The following PIK3C2G variants were observed in gnomAD, a reference collection of about 807,000 sequenced individuals.
The protein encoded by PIK3C2G is phosphatidylinositol-4-phosphate 3-kinase catalytic subunit type 2 gamma, also known as phosphatidylinositol 3-kinase C2 domain-containing subunit gamma.
Under a neutral mutation model 181.1 loss-of-function variants are expected in PIK3C2G, and 168 were observed. That is an observed-to-expected ratio of 0.93 (90% CI 0.82 to 1.05). The LOEUF is 1.05. PIK3C2G is among the 50% of genes least tolerant of loss of function. The pLI, the probability that PIK3C2G is intolerant of heterozygous loss-of-function variation, is 0.00. For missense variants in PIK3C2G, 1,869 were observed against 1,732.8 expected, an observed-to-expected ratio of 1.08 and a Z score of -1.40; for synonymous variants, 573 against 592.2, an observed-to-expected ratio of 0.97 and a Z score of 0.47.
intron 8 of PIK3C2G, among the ~76,000 whole-genome samples, chr12:18,336,009 G>GAA (rs376083415): frequency 0.022 from 3,382 of 151,540 alleles, 147 homozygotes; most frequent in African/African-American, 0.078. Flanking sequence ...ACAGATGAAT[G>GAA]AAAAAAAACA....
At chr12:18,459,342 A>G (rs1291317118) in intron 18 of PIK3C2G, among the ~76,000 whole-genome samples, 1 of 152,214 alleles carries the variant, frequency 6.6e-6, no homozygotes, top group Non-Finnish European at 1.5e-5. Flanking sequence ...AGTCTAAGGC[A>G]TTTAGAAAAA....
intron 12 of PIK3C2G, among the ~76,000 whole-genome samples, chr12:18,366,498 C>G (rs1941651842): frequency 6.6e-6 from 1 of 152,010 alleles, no homozygotes; most frequent in African/African-American, 2.4e-5. Context: ...CCACTGCACT[C>G]CAGCCTGGGC....
intron 18 of PIK3C2G, among the ~76,000 whole-genome samples, chr12:18,448,742 T>TTA (rs1296355203): frequency 1.3e-5 from 2 of 151,948 alleles, no homozygotes; most frequent in Non-Finnish European, 2.9e-5. Flanking sequence ...TTTTGTATCA[T>TTA]TATATATATA....
In PIK3C2G at chr12:18,324,146, G is replaced by C. The variant is rs1325405732; in HGVS notation, c.1209-889G>C. Among the ~76,000 whole-genome samples the C allele has an allele frequency of 7.2e-5, 11 of 151,984 alleles. No individual in the cohort carries two copies. In the East Asian group the frequency reaches 2.1e-3, roughly 30 times the overall value. On this transcript the variant is annotated intron_variant, in intron 7 of 32. Transcript: ENST00000538779. The stretch of plus-strand genomic sequence containing the variant: ...GAGGCAGGAGAATGACGTGAACCCC[G>C]GGGGGCGGAGCCTGCAGTGAGCGGA...
At chr12:18,363,990 C>T (rs1941458078) in intron 12 of PIK3C2G, among the ~76,000 whole-genome samples, 1 of 152,122 alleles carries the variant, frequency 6.6e-6, no homozygotes, top group African/African-American at 2.4e-5. Flanking sequence ...CTTTTTCTTT[C>T]ATAGAATCAA....
chr12:18,469,826 A>G (rs1938277192), intron 18 of PIK3C2G, among the ~76,000 whole-genome samples: 1 of 151,268 alleles, frequency 6.6e-6, no homozygotes, highest in Non-Finnish European at 1.5e-5. Flanking sequence ...CTAATACCAG[A>G]TATCAGCACC....
Position 18,609,522 on chromosome 12 carries a change from ATTCTT to A in PIK3C2G, c.4088-10_4088-6del. On this transcript the variant is annotated splice_region_variant and splice_polypyrimidine_tract_variant and intron_variant, in intron 30 of 32. Coordinates refer to ENST00000538779, the MANE Select transcript of PIK3C2G (RefSeq NM_001288772.2). ...TTCCAACTGAACTCACTGAAATTCT[ATTCTT>A]TTATCAGGTGAGAAGTTTCCAGACA... 6.6e-7 allele frequency: 1 copy of A among 1,518,126 alleles called. No individual in the cohort carries two copies. Among genetic ancestry groups the A allele is most frequent in the Non-Finnish European group, 9.0e-7 (1 of 1,109,942 alleles). 94.0% of individuals were successfully genotyped at this position (1,518,126 alleles called of 1,614,324 possible).
At chr12:18,661,472 A>G in the PIK3C2G span, among the ~76,000 whole-genome samples, 1 of 152,122 alleles carries the variant, frequency 6.6e-6, no homozygotes, top group South Asian at 2.1e-4. Context: ...GCTAAAAGAA[A>G]AACAACTGTC....
In PIK3C2G at chr12:18,584,513, C is replaced by T. The variant is rs148613598; in HGVS notation, c.4012-9981C>T. On this transcript the variant is annotated intron_variant, in intron 29 of 32. Transcript: ENST00000538779. ...TAAAGAGAAAAAGAATGAAAAGAAA[C>T]GAACAAAACCTCTGAGACATATGGA... is the stretch of plus-strand genomic sequence containing the variant. 7.9e-4 allele frequency among the ~76,000 whole-genome samples: 120 copies of T among 151,942 alleles called. 1 individual carries two copies. Among genetic ancestry groups the T allele is most frequent in the Admixed American group, 1.2e-3 (19 of 15,268 alleles).
the PIK3C2G span, chr12:18,714,638 G>A: frequency 1.3e-5 from 2 of 152,130 alleles, no homozygotes; most frequent in African/African-American, 4.8e-5. Context: ...TAGAAAACCA[G>A]TAAGTACATT....
At chr12:18,487,294 A>G (rs1314509578) in intron 18 of PIK3C2G, among the ~76,000 whole-genome samples, 1 of 152,152 alleles carries the variant, frequency 6.6e-6, no homozygotes, top group Non-Finnish European at 1.5e-5. Context: ...ACTAATTTTT[A>G]ACTTTAATGT....
At chr12:18,274,178 A>C (rs1219169101) in intron 1 of PIK3C2G, among the ~76,000 whole-genome samples, 3 of 152,184 alleles carry the variant, frequency 2.0e-5, no homozygotes, top group African/African-American at 7.2e-5. Context: ...GATGTGGAGA[A>C]ATAGGAACAC....
At chr12:18,683,065 ATTTTC>A in the PIK3C2G span, 30 of 647,652 alleles carry the variant, frequency 4.6e-5, no homozygotes, top group Admixed American at 8.7e-5. Flanking sequence ...TGAAGTTTCT[ATTTTC>A]TTTTCTTCCA....
chr12:18,243,986 A>C (rs909168644), upstream of PIK3C2G, among the ~76,000 whole-genome samples: 2 of 152,028 alleles, frequency 1.3e-5, no homozygotes, highest in African/African-American at 4.8e-5. Flanking sequence ...TCCAGAGCTT[A>C]TATTCAGTAA....
At chr12:18,399,901 G>A in intron 16 of PIK3C2G, 54 bp downstream of exon 16, 4 of 1,123,752 alleles carry the variant, frequency 3.6e-6, no homozygotes, top group Non-Finnish European at 5.0e-6. Context: ...CTTGCTTGAA[G>A]AGAACTATAG....
At chr12:18,334,839 G>A (rs1296897609) in intron 8 of PIK3C2G, among the ~76,000 whole-genome samples, 1 of 152,092 alleles carries the variant, frequency 6.6e-6, no homozygotes, top group Non-Finnish European at 1.5e-5. Context: ...GTACTCTGGT[G>A]TGTGAGTGCA....
Position 18,562,693 on chromosome 12 carries a change from A to T in PIK3C2G, c.3591-10A>T. 1 of 1,521,142 alleles carries T rather than the reference A, an allele frequency of 6.6e-7. No individual in the cohort carries two copies. Among genetic ancestry groups the T allele is most frequent in the Non-Finnish European group, 9.0e-7 (1 of 1,109,344 alleles). 94.2% of individuals were successfully genotyped at this position (1,521,142 alleles called of 1,614,324 possible). A position where few individuals can be genotyped will look rare whatever the true frequency, so the allele number is the denominator to read the frequency against. ...TGTCACTCACTATCTTTTCTTTTAC[A>T]TTTCTCTAGGAAAATAAAGGAAAGT... On this transcript the variant is annotated splice_polypyrimidine_tract_variant and intron_variant, in intron 26 of 32. Transcript: ENST00000538779.
intron 24 of PIK3C2G, among the ~76,000 whole-genome samples, chr12:18,535,503 G>A (rs1015004807): frequency 6.6e-6 from 1 of 152,002 alleles, no homozygotes; most frequent in Non-Finnish European, 1.5e-5. Context: ...CAAAAGAAAT[G>A]TGTTATCTCA....
At chr12:18,368,250 C>T (rs967253713) in intron 12 of PIK3C2G, among the ~76,000 whole-genome samples, 7 of 152,112 alleles carry the variant, frequency 4.6e-5, no homozygotes, top group Admixed American at 2.0e-4. Context: ...ATGGCTGATA[C>T]AAATTATTGT....
Sources: allele counts gnomAD v4.1 joint callset (sites outside exome capture counted in the v4.1 genomes callset), GRCh38; gene constraint gnomAD v4.1.1; transcripts MANE v1.5; gene names NCBI Gene and HGNC (gene_info 2026-07-23, HGNC 2026-07-21).